Variants in CD300LG observed in about 807,000 individuals in gnomAD.
The protein encoded by CD300LG is CD300 molecule like family member g, also known as CMRF35-like molecule 9.
In CD300LG, 29 loss-of-function variants were observed where a neutral mutation model predicts 31.5. That is an observed-to-expected ratio of 0.92 (90% CI 0.68 to 1.25). The LOEUF (loss-of-function observed/expected upper bound fraction) is 1.25. Among genes scored for constraint, CD300LG ranks in the 50% most tolerant of loss-of-function variants. The pLI, the probability that CD300LG is intolerant of heterozygous loss-of-function variation, is 0.00. For synonymous variants in CD300LG, 175 were observed against 177.2 expected, an observed-to-expected ratio of 0.99 and a Z score of 0.10; for missense variants, 396 against 417.6, an observed-to-expected ratio of 0.95 and a Z score of 0.45.
At position 43,853,976 on chromosome 17, in the gene CD300LG, C is replaced by A. The variant is rs756592250; in HGVS notation, c.651C>A (p.Pro217=). The change falls in exon 4 of 7, where the codon CCC becomes CCA. Residue 217 remains proline (P), a synonymous_variant. Transcript: ENST00000317310. ...CTCCTGCAGGGAGCTCCCGCCCCCC[C>A]ATGCAGCTGGACTCCACCTCAGCAG... ...TSPPAGSSRP[P]MQLDSTSAED... 16 of 1,614,096 alleles carry A rather than the reference C, an allele frequency of 9.9e-6. No homozygotes were observed. The highest frequency in any genetic ancestry group is 1.1e-5 in the Non-Finnish European group (13 of 1,180,032).
chr17:43,853,756 T>G, intron 3 of CD300LG, 51 bp from the exon 4 acceptor site: 1 of 1,468,456 alleles, frequency 6.8e-7, no homozygotes, highest in South Asian at 1.2e-5. Context: ...TCAGGGATGC[T>G]GGGATGCAAG....
In CD300LG at chr17:43,848,909, C is replaced by G; in HGVS notation, c.379+16C>G. On this transcript the variant is annotated intron_variant, in intron 2 of 6. Coordinates refer to ENST00000317310, the MANE Select transcript of CD300LG (RefSeq NM_145273.4). ...GTCTTTCCAGGTAACAGATATCTCTCCTTCCCCAGGCTGGGGACAGGAGCT... is the reference window on the plus strand; with the variant it reads ...GTCTTTCCAGGTAACAGATATCTCTGCTTCCCCAGGCTGGGGACAGGAGCT... The G allele has an allele frequency of 6.2e-7, 1 of 1,600,394 alleles. No individual in the cohort carries two copies. The highest frequency in any genetic ancestry group is 8.6e-7 in the Non-Finnish European group (1 of 1,169,036).
Position 43,858,032 on chromosome 17 carries a change from C to T in CD300LG, c.885+876C>T. 9 of 1,444,432 alleles carry T rather than the reference C, an allele frequency of 6.2e-6. No individual in the cohort carries two copies. The South Asian group carries it at 7.3e-5, about 12-fold the overall frequency. The allele number at this position is 1,444,432 out of a possible 1,614,324, so 89.5% of individuals were successfully genotyped here. A position where few individuals can be genotyped will look rare whatever the true frequency, so the allele number is the denominator to read the frequency against. Reference sequence around the variant, plus strand: ...ATCGCACTTCAGGCAACAGAAGCCCCTCCTGGCCCCTCCTCCCTCTGCTGT... The same window carrying T: ...ATCGCACTTCAGGCAACAGAAGCCCTTCCTGGCCCCTCCTCCCTCTGCTGT... On this transcript the variant is annotated intron_variant, in intron 6 of 6. Transcript: ENST00000317310.
In CD300LG at chr17:43,847,193, C is replaced by T; in HGVS notation, c.-24C>T. 3.1e-6 allele frequency: 5 copies of T among 1,613,370 alleles called. No homozygotes were observed. Among genetic ancestry groups the T allele is most frequent in the Non-Finnish European group, 3.4e-6 (4 of 1,179,626 alleles). ...AGGAGCTCACAGTTCCCAGCGTCTG[C>T]TCCCACGGTGTCCAGCGCCCAGAAT... On this transcript the variant is annotated 5_prime_UTR_variant, in exon 1 of 7. Transcript: ENST00000317310.
chr17:43,856,304 C>T (rs1010026230), intron 5 of CD300LG, among the ~76,000 whole-genome samples: 4 of 152,134 alleles, frequency 2.6e-5, no homozygotes, highest in African/African-American at 7.2e-5. Context: ...TCCCGGCTCC[C>T]GTGCTGGATG....
At position 43,861,821 on chromosome 17, in the gene CD300LG, T is replaced by A. The variant is rs746536291; in HGVS notation, c.909T>A (p.Pro303=). 3 of 1,610,000 alleles carry A rather than the reference T, an allele frequency of 1.9e-6. No homozygotes were observed. Among genetic ancestry groups the A allele is most frequent in the Non-Finnish European group, 1.7e-6 (2 of 1,178,382 alleles). ...AGACTGCGGAGGAAAAGGAAGCCCC[T>A]TCCCAGGCCCCTGAGGGGGACGTGA... ...SRLTAEEKEA[P]SQAPEGDVIS... is the part of the protein sequence containing the mutation. Residue 303 remains proline, a synonymous_variant, in exon 7 of 7, where the codon CCT becomes CCA. Transcript: ENST00000317310.
chr17:43,857,805 T>A (rs2046568730), intron 6 of CD300LG: 1 of 1,537,166 alleles, frequency 6.5e-7, no homozygotes, highest in Middle Eastern at 1.7e-4. Flanking sequence ...CCTGATGTTT[T>A]CTCTGAGCCT....
chr17:43,856,582 A>G (rs533768122), intron 5 of CD300LG, among the ~76,000 whole-genome samples: 2 of 152,286 alleles, frequency 1.3e-5, no homozygotes, highest in African/African-American at 4.8e-5. Context: ...TGTCCCTTCC[A>G]TGTGTGGCTC....
intron 2 of CD300LG, among the ~76,000 whole-genome samples, chr17:43,850,451 T>TCA (rs1478452172): frequency 1.3e-3 from 200 of 149,620 alleles, no homozygotes; most frequent in African/African-American, 4.7e-3. Context: ...TTATTTATTT[T>TCA]TATTCATTCA....
intron 2 of CD300LG, among the ~76,000 whole-genome samples, chr17:43,852,441 T>C (rs1172934852): frequency 6.6e-6 from 1 of 152,192 alleles, no homozygotes; most frequent in Non-Finnish European, 1.5e-5. Context: ...CTCGAACTCC[T>C]GACCTCACGT....
intron 2 of CD300LG, 91 bp from the exon 3 acceptor site, chr17:43,852,821 G>T (rs776145041): frequency 1.8e-5 from 18 of 1,005,342 alleles, no homozygotes; most frequent in Middle Eastern, 2.7e-4. Flanking sequence ...GTGCTGAGGT[G>T]GGGGGTAGGA....
At chr17:43,853,108 C>A in intron 3 of CD300LG, 95 bp downstream of exon 3, 4 of 1,025,978 alleles carry the variant, frequency 3.9e-6, no homozygotes, top group South Asian at 1.6e-5. Context: ...TAGTTTATGG[C>A]CACCTAGGTG....
chr17:43,861,491 A>G (rs1255980380), intron 6 of CD300LG, among the ~76,000 whole-genome samples: 1 of 151,922 alleles, frequency 6.6e-6, no homozygotes, highest in Non-Finnish European at 1.5e-5. Context: ...ATTCCTGAAT[A>G]GCTTGTTGGG....
At chr17:43,859,416 C>T (rs935134659) in intron 6 of CD300LG, among the ~76,000 whole-genome samples, 3 of 152,118 alleles carry the variant, frequency 2.0e-5, no homozygotes, top group Admixed American at 6.5e-5. Context: ...GGAACAGGGC[C>T]GATCGTCCAC....
intron 2 of CD300LG, among the ~76,000 whole-genome samples, chr17:43,851,572 C>T (rs2046356091): frequency 6.6e-6 from 1 of 151,178 alleles, no homozygotes; most frequent in South Asian, 2.1e-4. Flanking sequence ...GAAGTGGGGA[C>T]CGGAGTAGCT....
rs979992939 is a variant in CD300LG, at chr17:43,862,722, A to G, written c.*811A>G. 6.6e-6 allele frequency: 1 copy of G among 151,948 alleles called. No homozygotes were observed. The highest frequency in any genetic ancestry group is 2.4e-5 in the African/African-American group (1 of 41,358). The allele number at this position is 151,948 out of a possible 1,614,324, so 9.4% of individuals were successfully genotyped here. A position where few individuals can be genotyped will look rare whatever the true frequency, so the allele number is the denominator to read the frequency against. ...CAGGCCTTGGTCAGGTCAGGTGCAC[A>G]TTGCAGGGATAAGCCCAGGACCGGC... On this transcript the variant is annotated 3_prime_UTR_variant, in exon 7 of 7. Coordinates refer to ENST00000317310, the MANE Select transcript of CD300LG (RefSeq NM_145273.4).
intron 2 of CD300LG, among the ~76,000 whole-genome samples, chr17:43,851,154 A>G (rs908738633): frequency 1.2e-4 from 17 of 139,480 alleles, no homozygotes; most frequent in South Asian, 4.3e-4. Context: ...AAAAAAAAAA[A>G]AAGAAGAAGA....
rs1454036722 is a variant in CD300LG at position 43,853,919 on chromosome 17, C to T, written c.594C>T (p.Tyr198=). ...ACGGGCACGAAAGGACTTCTCAGTA[C>T]ACAGGAACCTCTCCTCACCCAGCGA... ...SQYGHERTSQ[Y]TGTSPHPATS... The change falls in exon 4 of 7, where the codon TAC becomes TAT. Residue 198 remains tyrosine, a synonymous_variant. Transcript: ENST00000317310. The T allele has an allele frequency of 1.2e-6, 2 of 1,614,026 alleles. No homozygotes were observed. Among genetic ancestry groups the T allele is most frequent in the Non-Finnish European group, 1.7e-6 (2 of 1,180,026 alleles).
intron 2 of CD300LG, among the ~76,000 whole-genome samples, chr17:43,851,376 T>G (rs970397569): frequency 1.3e-5 from 2 of 152,146 alleles, no homozygotes; most frequent in African/African-American, 2.4e-5. Context: ...GATTTCAGAT[T>G]CCTGGATTAG....
Sources: gnomAD v4.1 joint callset for allele counts (sites outside exome capture counted in the v4.1 genomes callset) on GRCh38, gnomAD v4.1.1 for gene constraint, MANE v1.5 for transcripts, NCBI Gene and HGNC (gene_info 2026-07-23, HGNC 2026-07-21) for gene names.